The following POLD3 variants were observed in gnomAD, a reference collection of about 807,000 sequenced individuals.
POLD3 encodes DNA polymerase delta 3, accessory subunit.
POLD3 carries 19 observed loss-of-function variants against 58.2 expected under a neutral mutation model. The ratio of observed to expected loss-of-function variants is 0.33; its 90% confidence interval spans 0.23 to 0.48. The LOEUF is 0.48. Ranked by LOEUF, POLD3 falls within the 20% of genes least tolerant of loss-of-function variation. The probability of loss-of-function intolerance (pLI) is 0.99; values close to 1 mark genes in which losing one functional copy is unlikely to be tolerated. For synonymous variants in POLD3, 172 were observed against 193.5 expected (o/e 0.89, Z 0.92); for missense variants, 504 against 545.5 (o/e 0.92, Z 0.76).
At chr11:74,593,455 G>A (rs1238627770) in intron 1 of POLD3, among the ~76,000 whole-genome samples, 2 of 152,200 alleles carry the variant, frequency 1.3e-5, no homozygotes, top group Admixed American at 1.3e-4. Flanking sequence ...CCTAACCTGT[G>A]CAAGTCTTCT....
At chr11:74,628,402 G>A (rs1199179572) in intron 8 of POLD3, among the ~76,000 whole-genome samples, 2 of 151,830 alleles carry the variant, frequency 1.3e-5, no homozygotes, top group African/African-American at 4.8e-5. Context: ...TCTTTTTCTA[G>A]TTCAAGGTAG....
intron 9 of POLD3, among the ~76,000 whole-genome samples, chr11:74,629,547 A>G (rs930577633): frequency 6.6e-6 from 1 of 151,234 alleles, no homozygotes; most frequent in Non-Finnish European, 1.5e-5. Context: ...GATAAGAATT[A>G]TTATTATACA....
intron 11 of POLD3, chr11:74,638,703 A>C (rs1230852876): frequency 1.1e-5 from 5 of 454,728 alleles, no homozygotes; most frequent in Admixed American, 2.4e-5. Flanking sequence ...TTCTCTAATT[A>C]TCTTAGAGCA....
intron 4 of POLD3, among the ~76,000 whole-genome samples, chr11:74,658,157 T>C (rs983420188): frequency 2.0e-4 from 31 of 152,178 alleles, no homozygotes; most frequent in African/African-American, 7.2e-4. Context: ...CTCAGAATCA[T>C]GGCAGGAGGT....
chr11:74,623,079 T>TAG (rs1237261060), intron 7 of POLD3, among the ~76,000 whole-genome samples: 5 of 152,138 alleles, frequency 3.3e-5, no homozygotes, highest in African/African-American at 1.2e-4. Context: ...AGAAGCCAGA[T>TAG]AGAAAAGATC....
At chr11:74,632,570 A>G (rs1031347819) in intron 9 of POLD3, among the ~76,000 whole-genome samples, 1 of 152,210 alleles carries the variant, frequency 6.6e-6, no homozygotes, top group Non-Finnish European at 1.5e-5. Context: ...TAGAAGTTTT[A>G]TGATAGATGA....
chr11:74,632,729 TATA>T (rs2032628577), intron 9 of POLD3, among the ~76,000 whole-genome samples: 1 of 152,124 alleles, frequency 6.6e-6, no homozygotes, highest in Non-Finnish European at 1.5e-5. Context: ...TTGGGGGAGT[TATA>T]ATGTTTTACT....
chr11:74,633,024 T>A (rs566429845), intron 9 of POLD3, among the ~76,000 whole-genome samples: 1 of 152,212 alleles, frequency 6.6e-6, no homozygotes, highest in Admixed American at 6.5e-5. Context: ...AACATTTGCC[T>A]ACAGTGCTGT....
At chr11:74,663,736 A>G (rs924641187) in intron 4 of POLD3, among the ~76,000 whole-genome samples, 1 of 152,244 alleles carries the variant, frequency 6.6e-6, no homozygotes. Context: ...AGCAATAACC[A>G]TAAAAGAAAC....
chr11:74,625,645 C>A, intron 8 of POLD3, 72 bp downstream of exon 8: 1 of 1,292,764 alleles, frequency 7.7e-7, no homozygotes, highest in Non-Finnish European at 1.1e-6. Flanking sequence ...GGCTTATTGA[C>A]AGCAGGCAGT....
At position 74,636,215 on chromosome 11, in the gene POLD3, A is replaced by G. The variant is rs1234526002; in HGVS notation, c.1138A>G (p.Lys380Glu). 4.3e-6 allele frequency: 7 copies of G among 1,610,696 alleles called. No individual in the cohort carries two copies. In the African/African-American group the frequency reaches 9.4e-5, roughly 22 times the overall value. The change falls in exon 11 of 12, where the codon AAA becomes GAA. Residue 380 changes from lysine (K) to glutamate (E), a missense_variant. Lys to Glu is a moderately conservative substitution (Grantham distance 56). This residue lies in a region of POLD3 where 385 missense variants were observed against 370.5 expected (regional missense o/e 1.04). Coordinates refer to ENST00000263681, the MANE Select transcript of POLD3 (RefSeq NM_006591.3). ...CTTTTAGAGCTCAAGTGGAGAAAAC[A>G]AAAGAAAACGAAAACGCGTACTAAA... ...PSVKSSSGEN[K>E]RKRKRVLKSK...
At chr11:74,621,902 G>A (rs2032272686) in intron 7 of POLD3, among the ~76,000 whole-genome samples, 1 of 150,822 alleles carries the variant, frequency 6.6e-6, no homozygotes, top group South Asian at 2.1e-4. Flanking sequence ...TAAGTTTTAG[G>A]GTACACGTGC....
At chr11:74,610,786 T>G (rs2031884969) in intron 3 of POLD3, among the ~76,000 whole-genome samples, 1 of 151,942 alleles carries the variant, frequency 6.6e-6, no homozygotes, top group Non-Finnish European at 1.5e-5. Context: ...GTTCTTCTCT[T>G]TTTTTTGAGA....
chr11:74,607,244 A>ATATTTATTTATT lies in POLD3; in HGVS notation c.219+2472_219+2483dup, dbSNP rs376369916. Among the ~76,000 whole-genome samples the ATATTTATTTATT allele has an allele frequency of 1.2e-3, 151 of 123,428 alleles. 1 individual carries two copies. The highest frequency in any genetic ancestry group is 8.3e-3 in the Middle Eastern group (2 of 240). The allele number at this position is 123,428 out of a possible 152,430, so 81.0% of individuals were successfully genotyped here. ...GTATGGAATTTATTATTATTATTAT[A>ATATTTATTTATT]TATTTATTTATTTATTTATTTATTT... On this transcript the variant is annotated intron_variant, in intron 3 of 11. Transcript: ENST00000263681.
At chr11:74,595,285 A>T (rs887646642) in intron 2 of POLD3, 1 of 149,758 alleles carries the variant, frequency 6.7e-6, no homozygotes, top group African/African-American at 2.5e-5. Flanking sequence ...ACATCACCAC[A>T]CCTGGCAAAA....
chr11:74,605,455 T>G (rs1382829890), intron 3 of POLD3, among the ~76,000 whole-genome samples: 1 of 152,196 alleles, frequency 6.6e-6, no homozygotes, highest in African/African-American at 2.4e-5. Context: ...CATGCCTTGG[T>G]GGCTACCAGA....
chr11:74,665,155 A>T (rs1336140254), intron 4 of POLD3, among the ~76,000 whole-genome samples: 1 of 149,772 alleles, frequency 6.7e-6, no homozygotes, highest in Non-Finnish European at 1.5e-5. Context: ...AAAATAAATA[A>T]ATAAAAATAA....
chr11:74,627,953 T>A (rs150116989), intron 8 of POLD3, among the ~76,000 whole-genome samples: 1 of 152,290 alleles, frequency 6.6e-6, no homozygotes, highest in East Asian at 1.9e-4. Flanking sequence ...ACGTGTATAT[T>A]TTTCAAATGT....
In POLD3 at chr11:74,640,576, T is replaced by C. The variant is rs774546395; in HGVS notation, c.1211T>C (p.Val404Ala). 1.3e-6 allele frequency: 2 copies of C among 1,544,744 alleles called. No homozygotes were observed. Among genetic ancestry groups the C allele is most frequent in the South Asian group, 2.5e-5 (2 of 79,054 alleles). Residue 404 changes from valine to alanine, a missense_variant, in exon 12 of 12, where the codon GTC (valine) becomes GCC (alanine). By Grantham distance (64) the Val-to-Ala change is moderately conservative. Coordinates refer to ENST00000263681, the MANE Select transcript of POLD3 (RefSeq NM_006591.3). The part of the protein sequence containing the change: ...DGEGCIVTEK[V>A]YESESCTDSE... Reference sequence around the variant, plus strand: ...CTCATCCTACCAGTGACTGAAAAAGTCTACGAGAGTGAATCCTGCACAGAT... The same window carrying C: ...CTCATCCTACCAGTGACTGAAAAAGCCTACGAGAGTGAATCCTGCACAGAT...
Sources: allele counts gnomAD v4.1 joint callset (sites outside exome capture counted in the v4.1 genomes callset), GRCh38; gene constraint gnomAD v4.1.1; regional missense constraint gnomAD v4.1.1; transcripts MANE v1.5; gene names NCBI Gene and HGNC (gene_info 2026-07-23, HGNC 2026-07-21).